SYCP2L: variants seen among roughly 807,000 people sequenced by gnomAD.
SYCP2L encodes synaptonemal complex protein 2 like.
Under a neutral mutation model 125.8 loss-of-function variants are expected in SYCP2L, and 98 were observed. The observed-to-expected ratio is 0.78, with a 90% confidence interval of 0.66 to 0.92. The LOEUF (loss-of-function observed/expected upper bound fraction) is 0.92. Ranked by LOEUF, SYCP2L falls within the 40% of genes least tolerant of loss-of-function variation. The pLI is 0.00. For synonymous variants in SYCP2L, 317 were observed against 325.4 expected (o/e 0.97, Z 0.28); for missense variants, 842 against 936.4 (o/e 0.90, Z 1.32).
rs371313754 is a variant in SYCP2L at position 10,898,072 on chromosome 6, C to T, written c.398C>T (p.Thr133Met). ...ACCTCGGAAGGCCTAGCCTCAGACA[C>T]GTCGCTGATTTGTGTTATAGAAGAT... The part of the protein sequence containing the change: ...ILTSEGLASD[T>M]SLICVIEDFF... Residue 133 changes from threonine (T) to methionine (M), a missense_variant, in exon 5 of 30, where the codon ACG (threonine) becomes ATG (methionine). Physicochemically the swap from Thr to Met is moderately conservative, Grantham distance 81 (BLOSUM62 -1). Coordinates refer to ENST00000283141, the MANE Select transcript of SYCP2L (RefSeq NM_001040274.3). 5.5e-5 allele frequency: 89 copies of T among 1,614,100 alleles called. 1 individual carries two copies. The Middle Eastern group carries it at 1.8e-3, about 33-fold the overall frequency.
chr6:10,930,567 T>C (rs1780978174), intron 19 of SYCP2L, 53 bp downstream of exon 19: 1 of 1,554,568 alleles, frequency 6.4e-7, no homozygotes, highest in Non-Finnish European at 8.7e-7. Context: ...GATTTTCAAA[T>C]CAGATATTTA....
rs756948266 is a variant in SYCP2L, at chr6:10,955,095, A to T, written c.1955-21A>T. The T allele has an allele frequency of 7.7e-6, 12 of 1,549,194 alleles. No individual in the cohort carries two copies. The Admixed American group carries it at 2.0e-4, about 26-fold the overall frequency. The stretch of plus-strand genomic sequence containing the variant: ...CAAGATAATTTCGGGTCAAAAGGAA[A>T]TGTGCTCTGTTTGCCTGTAGACATA... On this transcript the variant is annotated intron_variant, in intron 23 of 29. Coordinates refer to ENST00000283141, the MANE Select transcript of SYCP2L (RefSeq NM_001040274.3).
chr6:10,939,129 A>G lies in SYCP2L; in HGVS notation c.1814-3330A>G, dbSNP rs557163527. Among the ~76,000 whole-genome samples, 9 of 152,284 alleles carry G rather than the reference A, an allele frequency of 5.9e-5. 1 individual carries two copies. The East Asian group carries it at 1.7e-3, about 29-fold the overall frequency. On this transcript the variant is annotated intron_variant, in intron 21 of 29. Transcript: ENST00000283141. ...AACGAGACTCCATCTCAAAAAAAAA[A>G]AGAAAATTTCATTGATAATAGCTTA...
intron 11 of SYCP2L, 27 bp downstream of exon 11, chr6:10,910,227 A>G: frequency 6.2e-7 from 1 of 1,600,080 alleles, no homozygotes; most frequent in Non-Finnish European, 8.6e-7. Flanking sequence ...AGCATTATTG[A>G]CTAGTTGTAT....
At chr6:10,916,156 C>T (rs1330875820) in intron 14 of SYCP2L, among the ~76,000 whole-genome samples, 18 of 152,114 alleles carry the variant, frequency 1.2e-4, no homozygotes, top group Admixed American at 1.2e-3. Flanking sequence ...TCAGTGGTGT[C>T]AGTTGTAATA....
chr6:10,888,271 A>G (rs1346088349), intron 1 of SYCP2L, among the ~76,000 whole-genome samples: 4 of 150,818 alleles, frequency 2.7e-5, no homozygotes, highest in Admixed American at 2.0e-4. Context: ...TAATTTTTGT[A>G]TTTCTAGTAG....
chr6:10,947,735 T>G (rs527709053), intron 23 of SYCP2L, among the ~76,000 whole-genome samples: 1 of 152,204 alleles, frequency 6.6e-6, no homozygotes, highest in African/African-American at 2.4e-5. Context: ...CTTACATCTC[T>G]TATTTTTCAT....
chr6:10,952,460 C>T (rs972651608), intron 23 of SYCP2L, among the ~76,000 whole-genome samples: 4 of 152,098 alleles, frequency 2.6e-5, no homozygotes, highest in Non-Finnish European at 5.9e-5. Flanking sequence ...CTGGATTTCT[C>T]TCTTTGGTGG....
intron 10 of SYCP2L, among the ~76,000 whole-genome samples, chr6:10,908,925 C>A (rs1780555341): frequency 6.6e-6 from 1 of 152,080 alleles, no homozygotes; most frequent in African/African-American, 2.4e-5. Flanking sequence ...GGACTAAAGC[C>A]CACCTCAAAG....
intron 4 of SYCP2L, 89 bp downstream of exon 4, chr6:10,894,293 G>A (rs1780222494): frequency 6.8e-7 from 1 of 1,471,820 alleles, no homozygotes; most frequent in African/African-American, 1.4e-5. Flanking sequence ...GGTATTTTCT[G>A]TTCCTTTGAA....
intron 14 of SYCP2L, among the ~76,000 whole-genome samples, chr6:10,922,464 A>G (rs996356120): frequency 7.0e-6 from 1 of 142,056 alleles, no homozygotes; most frequent in African/African-American, 2.6e-5. Context: ...TTAGCTAGTT[A>G]CTTTTTTTTT....
chr6:10,888,739 G>C (rs912533546), intron 1 of SYCP2L, among the ~76,000 whole-genome samples: 1 of 152,152 alleles, frequency 6.6e-6, no homozygotes, highest in African/African-American at 2.4e-5. Context: ...TAACATAAAG[G>C]CTCCCGGGAA....
At position 10,894,103 on chromosome 6, in the gene SYCP2L, T is replaced by G. The variant is rs150249978; in HGVS notation, c.235T>G (p.Phe79Val). 511 of 1,612,204 alleles carry G rather than the reference T, an allele frequency of 3.2e-4. 4 individuals are homozygous for G. In the African/African-American group the frequency reaches 6.4e-3, roughly 20 times the overall value. The part of the protein sequence containing the change: ...SINKELDKNE[F>V]QSVSLLLKCI... ...TACCTAGGAACTAGATAAAAATGAA[T>G]TTCAGTCTGTGTCACTGTTGCTGAA... Residue 79 changes from phenylalanine (F) to valine (V), a missense_variant, in exon 4 of 30, where the codon TTT becomes GTT. Coordinates refer to ENST00000283141, the MANE Select transcript of SYCP2L (RefSeq NM_001040274.3).
At chr6:10,952,285 G>A (rs569144804) in intron 23 of SYCP2L, among the ~76,000 whole-genome samples, 1 of 152,310 alleles carries the variant, frequency 6.6e-6, no homozygotes, top group Admixed American at 6.5e-5. Context: ...CATGCCTTTG[G>A]TAAAGGTAAA....
chr6:10,965,311 G>A (rs562073105), intron 29 of SYCP2L, among the ~76,000 whole-genome samples: 42 of 152,302 alleles, frequency 2.8e-4, no homozygotes, highest in African/African-American at 9.6e-4. Context: ...ATAGCTGCAA[G>A]CAGTAGGTAA....
intron 10 of SYCP2L, among the ~76,000 whole-genome samples, chr6:10,909,289 C>T (rs1003840624): frequency 2.6e-5 from 4 of 151,706 alleles, no homozygotes; most frequent in Non-Finnish European, 5.9e-5. Flanking sequence ...CCACCACTCC[C>T]GGCTAATTTT....
rs762521102 is a variant in SYCP2L at position 10,902,806 on chromosome 6, CT to C, written c.552+45del. 224 of 1,611,236 alleles carry C rather than the reference CT, an allele frequency of 1.4e-4. 1 individual carries two copies. The highest frequency in any genetic ancestry group is 1.6e-4 in the Non-Finnish European group (194 of 1,177,884). ...AACAGGTAATAGTGGTTCCAGAAAC[CT>C]AAAAGAAGATCGTACATAGGTCTCT... On this transcript the variant is annotated intron_variant, in intron 7 of 29. Coordinates refer to ENST00000283141, the MANE Select transcript of SYCP2L (RefSeq NM_001040274.3).
intron 7 of SYCP2L, 47 bp downstream of exon 7, chr6:10,902,809 A>G: frequency 6.2e-7 from 1 of 1,610,634 alleles, no homozygotes; most frequent in Non-Finnish European, 8.5e-7. Flanking sequence ...CAGAAACCTA[A>G]AAGAAGATCG....
intron 23 of SYCP2L, among the ~76,000 whole-genome samples, chr6:10,951,958 T>C (rs1781417348): frequency 6.6e-6 from 1 of 152,206 alleles, no homozygotes; most frequent in Non-Finnish European, 1.5e-5. Context: ...CTCCTCAGAT[T>C]GTACCTGTCT....
Sources: gnomAD v4.1 joint callset for allele counts (sites outside exome capture counted in the v4.1 genomes callset) on GRCh38, gnomAD v4.1.1 for gene constraint, MANE v1.5 for transcripts, NCBI Gene and HGNC (gene_info 2026-07-23, HGNC 2026-07-21) for gene names.